The following PLXNA4 variants were observed in gnomAD, a reference collection of about 807,000 sequenced individuals.
PLXNA4 encodes the protein plexin-A4.
In PLXNA4, 44 loss-of-function variants were observed where a neutral mutation model predicts 191.8. The observed-to-expected ratio is 0.23, with a 90% confidence interval of 0.18 to 0.29. PLXNA4 has a LOEUF of 0.29. Among genes scored for constraint, PLXNA4 ranks in the 10% least tolerant of loss-of-function variants. The pLI is 1.00. For missense variants in PLXNA4, 1,800 were observed against 2,488.8 expected (o/e 0.72, Z 5.89); for synonymous variants, 1,082 against 1,009.5 (o/e 1.07, Z -1.36).
Position 132,546,995 on chromosome 7 carries a change from T to C in PLXNA4, c.-87+29427A>G, listed in dbSNP as rs150885031. The stretch of plus-strand genomic sequence containing the variant: ...GGGAGCCCAAAAGGATGCTAATTTG[T>C]TACAAGTGGCCTGAAAAATACATCT... On this transcript the variant is annotated intron_variant, in intron 1 of 31. Transcript: ENST00000321063. Among the ~76,000 whole-genome samples the C allele has an allele frequency of 1.0e-3, 159 of 152,310 alleles. 1 individual carries two copies. Among genetic ancestry groups the C allele is most frequent in the African/African-American group, 3.6e-3 (149 of 41,568 alleles).
chr7:132,516,108 G>C (rs1036992683), intron 1 of PLXNA4, among the ~76,000 whole-genome samples: 1 of 152,166 alleles, frequency 6.6e-6, no homozygotes, highest in Admixed American at 6.6e-5. Flanking sequence ...AAATCTTGGT[G>C]CTTCAAGTAA....
At chr7:132,345,557 C>A (rs1452378111) in intron 3 of PLXNA4, among the ~76,000 whole-genome samples, 1 of 152,172 alleles carries the variant, frequency 6.6e-6, no homozygotes, top group Non-Finnish European at 1.5e-5. Context: ...ATGGTTCTAA[C>A]ACACATGAGG....
intron 4 of PLXNA4, among the ~76,000 whole-genome samples, chr7:132,295,798 A>G (rs1801056781): frequency 1.3e-5 from 2 of 152,122 alleles, no homozygotes; most frequent in African/African-American, 4.8e-5. Context: ...ACAGAGTCAT[A>G]AAAAACAAGA....
upstream of PLXNA4, among the ~76,000 whole-genome samples, chr7:132,577,803 G>T (rs557982351): frequency 6.6e-6 from 1 of 152,132 alleles, no homozygotes; most frequent in African/African-American, 2.4e-5. Context: ...TGACACAAGC[G>T]CACACTGACT....
At chr7:132,417,871 G>A (rs1794713818) in intron 3 of PLXNA4, among the ~76,000 whole-genome samples, 1 of 152,022 alleles carries the variant, frequency 6.6e-6, no homozygotes, top group Non-Finnish European at 1.5e-5. Flanking sequence ...TTCTCTCTGG[G>A]CCCCCTATCT....
chr7:132,145,933 A>T (rs1160803915), intron 28 of PLXNA4, among the ~76,000 whole-genome samples: 1 of 150,534 alleles, frequency 6.6e-6, no homozygotes, highest in African/African-American at 2.4e-5. Context: ...AAAAAAAAAA[A>T]AAATTAGCCA....
At chr7:132,249,555 G>A (rs972820724) in intron 4 of PLXNA4, among the ~76,000 whole-genome samples, 7 of 152,194 alleles carry the variant, frequency 4.6e-5, no homozygotes, top group Middle Eastern at 3.2e-3. Context: ...AAAATGGCAC[G>A]TGATCGTTAT....
At chr7:132,563,391 TC>T (rs1485928056) in intron 1 of PLXNA4, among the ~76,000 whole-genome samples, 1 of 90,126 alleles carries the variant, frequency 1.1e-5, no homozygotes. Context: ...CTCCTCCTCC[TC>T]TTTCTCCTCC....
At chr7:132,318,197 G>T (rs1384639968) in intron 3 of PLXNA4, among the ~76,000 whole-genome samples, 2 of 152,168 alleles carry the variant, frequency 1.3e-5, no homozygotes, top group Admixed American at 1.3e-4. Context: ...GGTTGCAGGG[G>T]GAGGGAGTTG....
intron 2 of PLXNA4, among the ~76,000 whole-genome samples, chr7:132,623,491 C>G (rs1248014334): frequency 6.6e-5 from 10 of 152,290 alleles, no homozygotes; most frequent in Admixed American, 2.0e-4. Context: ...AGGAATGGGA[C>G]TTTAAAAAGG....
chr7:132,264,843 G>A (rs947768122), intron 4 of PLXNA4, among the ~76,000 whole-genome samples: 1 of 151,902 alleles, frequency 6.6e-6, no homozygotes, highest in Non-Finnish European at 1.5e-5. Flanking sequence ...GATTACAGGC[G>A]CCTGCCACCT....
At chr7:132,133,888 T>A (rs1795039751) in intron 30 of PLXNA4, among the ~76,000 whole-genome samples, 1 of 152,076 alleles carries the variant, frequency 6.6e-6, no homozygotes, top group African/African-American at 2.4e-5. Flanking sequence ...CTTCTCACCC[T>A]CTCCTATGTA....
intron 3 of PLXNA4, among the ~76,000 whole-genome samples, chr7:132,370,648 T>C (rs1585046483): frequency 6.6e-6 from 1 of 152,198 alleles, no homozygotes; most frequent in Non-Finnish European, 1.5e-5. Flanking sequence ...GTGTGTTTCA[T>C]TGTTTCTATT....
At chr7:132,279,379 C>T (rs1800394823) in intron 4 of PLXNA4, among the ~76,000 whole-genome samples, 1 of 152,140 alleles carries the variant, frequency 6.6e-6, no homozygotes. Context: ...TGGTGGCTCA[C>T]ACACTTTGGG....
intron 1 of PLXNA4, among the ~76,000 whole-genome samples, chr7:132,533,925 C>CTATTATTATTATTATTAT (rs61158936): frequency 3.3e-5 from 5 of 149,994 alleles, no homozygotes; most frequent in Admixed American, 6.6e-5. Context: ...AAGGATATTA[C>CTATTATTATTATTATTAT]TATTATTATT....
intron 2 of PLXNA4, among the ~76,000 whole-genome samples, chr7:132,643,530 G>A (rs1803795301): frequency 6.6e-6 from 1 of 151,844 alleles, no homozygotes; most frequent in Non-Finnish European, 1.5e-5. Context: ...CTCAGAGGCC[G>A]CATTAGAACT....
chr7:132,178,202 T>A (rs952079603), intron 20 of PLXNA4, among the ~76,000 whole-genome samples: 2 of 152,152 alleles, frequency 1.3e-5, no homozygotes, highest in African/African-American at 4.8e-5. Flanking sequence ...AGCTGGAGAT[T>A]GCTGAAATGC....
chr7:132,328,274 G>T (rs1391111487), intron 3 of PLXNA4, among the ~76,000 whole-genome samples: 1 of 152,114 alleles, frequency 6.6e-6, no homozygotes, highest in Non-Finnish European at 1.5e-5. Flanking sequence ...TCAAGCAGAA[G>T]CCTGTTCTCC....
chr7:132,405,128 C>T lies in PLXNA4; in HGVS notation c.1371+84164G>A, dbSNP rs568808818. On this transcript the variant is annotated intron_variant, in intron 3 of 31. Transcript: ENST00000321063. ...TGTGTGTGTGTGTTGGACACATTCT[C>T]TTCTGAGGGATGTATGTTTTCTACT... Among the ~76,000 whole-genome samples, 243 of 152,104 alleles carry T rather than the reference C, an allele frequency of 1.6e-3. 2 individuals carry two copies. Among genetic ancestry groups the T allele is most frequent in the African/African-American group, 5.6e-3 (234 of 41,492 alleles).
Sources: gnomAD v4.1 joint callset for allele counts (sites outside exome capture counted in the v4.1 genomes callset) on GRCh38, gnomAD v4.1.1 for gene constraint, MANE v1.5 for transcripts, NCBI Gene and HGNC (gene_info 2026-07-23, HGNC 2026-07-21) for gene names.